The following DNM3 variants were observed in gnomAD, a reference collection of about 807,000 sequenced individuals.
DNM3 encodes dynamin-3.
A neutral mutation model predicts 101.6 loss-of-function variants in DNM3; 47 were observed. That is an observed-to-expected ratio of 0.46 (90% CI 0.37 to 0.59). The LOEUF is 0.59. Ranked by LOEUF, DNM3 falls within the 20% of genes least tolerant of loss-of-function variation. DNM3 has a pLI of 0.00. For synonymous variants in DNM3, 385 were observed against 387.9 expected (o/e 0.99, Z 0.09); for missense variants, 849 against 1,085.7 (o/e 0.78, Z 3.06).
At chr1:172,221,008 A>G (rs765788801) in intron 14 of DNM3, among the ~76,000 whole-genome samples, 5 of 152,122 alleles carry the variant, frequency 3.3e-5, no homozygotes, top group South Asian at 2.1e-4. Context: ...TGCTTGTATC[A>G]CATCATGTTA....
At chr1:172,208,715 G>A (rs1427612694) in intron 14 of DNM3, among the ~76,000 whole-genome samples, 2 of 152,064 alleles carry the variant, frequency 1.3e-5, no homozygotes, top group African/African-American at 2.4e-5. Flanking sequence ...TTGGTCTTAC[G>A]TTAGCCCAAG....
At chr1:172,193,220 G>A (rs1024046518) in intron 14 of DNM3, among the ~76,000 whole-genome samples, 9 of 151,540 alleles carry the variant, frequency 5.9e-5, no homozygotes, top group Non-Finnish European at 1.3e-4. Flanking sequence ...TCAAAAAGTG[G>A]GGGTGGATAA....
At position 171,861,723 on chromosome 1, in the gene DNM3, T is replaced by C. The variant is rs112396913; in HGVS notation, c.161+19906T>C. Among the ~76,000 whole-genome samples the C allele has an allele frequency of 7.9e-3, 1,200 of 152,104 alleles. 14 individuals are homozygous for C. Among genetic ancestry groups the C allele is most frequent in the African/African-American group, 0.027 (1,133 of 41,520 alleles). On this transcript the variant is annotated intron_variant, in intron 1 of 20. Coordinates refer to ENST00000627582, the MANE Select transcript of DNM3 (RefSeq NM_015569.5). The stretch of plus-strand genomic sequence containing the variant: ...GATACCCAAAGCATAAGTGACAAAA[T>C]AAAAAATAGTTAAAGTGAACAACAT...
intron 15 of DNM3, among the ~76,000 whole-genome samples, chr1:172,257,871 C>G (rs12409899): frequency 0.17 from 25,816 of 148,666 alleles, 2,444 homozygotes; most frequent in East Asian, 0.25. Flanking sequence ...CTCCCCAACC[C>G]CCACCAACAC....
At chr1:171,914,746 G>A (rs571795026) in intron 1 of DNM3, among the ~76,000 whole-genome samples, 1 of 152,302 alleles carries the variant, frequency 6.6e-6, no homozygotes, top group African/African-American at 2.4e-5. Flanking sequence ...ATTAGATGTA[G>A]GATTGTTTTC....
intron 14 of DNM3, among the ~76,000 whole-genome samples, chr1:172,168,598 G>T (rs1213335890): frequency 6.6e-6 from 1 of 151,898 alleles, no homozygotes; most frequent in East Asian, 1.9e-4. Context: ...TGAAGTATAT[G>T]GGATCCTGAG....
chr1:171,962,423 C>G (rs1256986044), intron 2 of DNM3, among the ~76,000 whole-genome samples: 2 of 152,084 alleles, frequency 1.3e-5, no homozygotes, highest in Non-Finnish European at 2.9e-5. Context: ...TTTAGGAGAA[C>G]AGAGTTTCTG....
At chr1:172,033,407 T>G in intron 6 of DNM3, 142 bp downstream of exon 6, 1 of 943,686 alleles carries the variant, frequency 1.1e-6, no homozygotes, top group Non-Finnish European at 1.5e-6. Context: ...AAAATGAATA[T>G]TAGTACCTCA....
chr1:172,227,467 A>ATT (rs2061176395), intron 14 of DNM3, among the ~76,000 whole-genome samples: 1 of 151,800 alleles, frequency 6.6e-6, no homozygotes. Flanking sequence ...GAATTGCTGG[A>ATT]TTGAATGGTA....
intron 17 of DNM3, among the ~76,000 whole-genome samples, chr1:172,343,780 G>T (rs1288554590): frequency 1.3e-5 from 2 of 152,148 alleles, no homozygotes; most frequent in African/African-American, 2.4e-5. Context: ...GGATTTCCCG[G>T]AGAGAATAAT....
In DNM3 at chr1:172,188,787, C is replaced by T. The variant is rs529444335; in HGVS notation, c.1659+57499C>T. Among the ~76,000 whole-genome samples, 72 of 152,088 alleles carry T rather than the reference C, an allele frequency of 4.7e-4. 1 individual carries two copies. Among genetic ancestry groups the T allele is most frequent in the Admixed American group, 1.4e-3 (22 of 15,246 alleles). ...CTTTACAGGTGGCTGCATCATTTTG[C>T]ATTCCTTCCAGAAACGAATATGAGT... On this transcript the variant is annotated intron_variant, in intron 14 of 20. Coordinates refer to ENST00000627582, the MANE Select transcript of DNM3 (RefSeq NM_015569.5).
In DNM3 at chr1:172,169,992, A is replaced by G. The variant is rs2058891936; in HGVS notation, c.1659+38704A>G. Reference sequence around the variant, plus strand: ...AGAAATCCCTTGAAGCTCTGTTTATAAACTTAGTTGCATTTTTTTCTAAGT... The same window carrying G: ...AGAAATCCCTTGAAGCTCTGTTTATGAACTTAGTTGCATTTTTTTCTAAGT... On this transcript the variant is annotated intron_variant, in intron 14 of 20. Transcript: ENST00000627582. Among the ~76,000 whole-genome samples, 3 of 151,894 alleles carry G rather than the reference A, an allele frequency of 2.0e-5. No individual in the cohort carries two copies. The South Asian group carries it at 6.2e-4, about 31-fold the overall frequency.
intron 4 of DNM3, among the ~76,000 whole-genome samples, chr1:172,031,651 T>C (rs1161871485): frequency 6.6e-6 from 1 of 152,178 alleles, no homozygotes; most frequent in Non-Finnish European, 1.5e-5. Flanking sequence ...ATCATGTATA[T>C]GACGTGCTAC....
chr1:171,890,651 T>A (rs1352394911), intron 1 of DNM3, among the ~76,000 whole-genome samples: 1 of 152,138 alleles, frequency 6.6e-6, no homozygotes, highest in Admixed American at 6.5e-5. Context: ...CTGAAAAATG[T>A]ATTTGAGAAT....
At chr1:172,090,273 A>G (rs777357208) in intron 12 of DNM3, among the ~76,000 whole-genome samples, 3 of 152,212 alleles carry the variant, frequency 2.0e-5, no homozygotes, top group Non-Finnish European at 2.9e-5. Context: ...TTTCTCATGC[A>G]TTCCTGGAAG....
At position 171,955,087 on chromosome 1, in the gene DNM3, TTC is replaced by T. The variant is rs749214784; in HGVS notation, c.236-32567_236-32566del. On this transcript the variant is annotated intron_variant, in intron 2 of 20. Transcript: ENST00000627582. ...GCAGTACTGCTAAGTGATAGCAACC[TTC>T]TACCTTGTAGTTCTAGCTAGGTGGG... Among the ~76,000 whole-genome samples the T allele has an allele frequency of 4.5e-4, 69 of 152,208 alleles. 1 individual carries two copies. The highest frequency in any genetic ancestry group is 5.3e-4 in the Non-Finnish European group (36 of 68,042).
intron 14 of DNM3, among the ~76,000 whole-genome samples, chr1:172,223,808 C>A (rs1285955648): frequency 1.3e-5 from 2 of 152,154 alleles, no homozygotes; most frequent in Admixed American, 1.3e-4. Context: ...CTACTTCTGG[C>A]CATTCTGTAA....
chr1:171,847,035 C>T (rs2032218452), intron 1 of DNM3, among the ~76,000 whole-genome samples: 2 of 152,154 alleles, frequency 1.3e-5, no homozygotes, highest in African/African-American at 2.4e-5. Flanking sequence ...AGTATGACTC[C>T]TCCTGGAACT....
At position 171,856,573 on chromosome 1, in the gene DNM3, T is replaced by C. The variant is rs2033634632; in HGVS notation, c.161+14756T>C. Among the ~76,000 whole-genome samples, 4 of 152,324 alleles carry C rather than the reference T, an allele frequency of 2.6e-5. No individual in the cohort carries two copies. The South Asian group carries it at 8.3e-4, about 32-fold the overall frequency. The stretch of plus-strand genomic sequence containing the variant: ...TTGAGCAGTATTTTGTAGTTCTCAT[T>C]GTAGAGATCTTCCACCTCCCTGGTT... On this transcript the variant is annotated intron_variant, in intron 1 of 20. Coordinates refer to ENST00000627582, the MANE Select transcript of DNM3 (RefSeq NM_015569.5).
Sources: allele counts gnomAD v4.1 joint callset (sites outside exome capture counted in the v4.1 genomes callset), GRCh38; gene constraint gnomAD v4.1.1; transcripts MANE v1.5; gene names NCBI Gene and HGNC (gene_info 2026-07-23, HGNC 2026-07-21).